The following SH3KBP1 variants were observed in gnomAD, a reference collection of about 807,000 sequenced individuals.
The protein encoded by SH3KBP1 is SH3 domain containing kinase binding protein 1.
SH3KBP1 carries 8 observed loss-of-function variants against 50.1 expected under a neutral mutation model. That is an observed-to-expected ratio of 0.16 (90% CI 0.09 to 0.29). The LOEUF is 0.29. Ranked by LOEUF, SH3KBP1 falls within the 10% of genes least tolerant of loss-of-function variation. The pLI, the probability that SH3KBP1 is intolerant of heterozygous loss-of-function variation, is 1.00. For synonymous variants in SH3KBP1, 227 were observed against 218.6 expected, an observed-to-expected ratio of 1.04 and a Z score of -0.34; for missense variants, 377 against 535.2, an observed-to-expected ratio of 0.70 and a Z score of 2.92.
intron 6 of SH3KBP1, among the ~76,000 whole-genome samples, chrX:19,660,397 C>T (rs970946173): frequency 6.2e-5 from 7 of 112,253 alleles, no homozygotes; most frequent in South Asian, 3.7e-4. Flanking sequence ...TCCATTCCTC[C>T]GCTTGGGGAC....
At chrX:19,589,727 A>G (rs1331905364) in intron 11 of SH3KBP1, among the ~76,000 whole-genome samples, 4 of 110,180 alleles carry the variant, frequency 3.6e-5, no homozygotes, top group Non-Finnish European at 5.7e-5. Flanking sequence ...CAGGCTCCCT[A>G]TGCTTACTTG....
intron 14 of SH3KBP1, among the ~76,000 whole-genome samples, chrX:19,546,922 C>T (rs1395445599): frequency 1.8e-5 from 2 of 111,026 alleles, no homozygotes; most frequent in Non-Finnish European, 3.8e-5. Context: ...GATTATGAGG[C>T]GGGAGGATCT....
chrX:19,541,885 C>A lies in SH3KBP1; in HGVS notation c.1892+40G>T, dbSNP rs755991066. 5.1e-6 allele frequency: 6 copies of A among 1,176,552 alleles called. No individual in the cohort carries two copies. In the African/African-American group the frequency reaches 1.1e-4, roughly 21 times the overall value. On this transcript the variant is annotated intron_variant, in intron 16 of 17. Transcript: ENST00000397821. ...AACTAGGTGCTGGCCTGGCAGAGAGCAACCTGGGTGACGGCCCCCAAGAGT... is the reference window on the plus strand; with the variant it reads ...AACTAGGTGCTGGCCTGGCAGAGAGAAACCTGGGTGACGGCCCCCAAGAGT...
intron 7 of SH3KBP1, among the ~76,000 whole-genome samples, chrX:19,636,570 A>G (rs887036059): frequency 8.9e-6 from 1 of 111,840 alleles, no homozygotes; most frequent in Non-Finnish European, 1.9e-5. Context: ...CAATCTCTAA[A>G]CTTTTAGAAA....
rs72616081 is a variant in SH3KBP1, at chrX:19,594,675, T to C, written c.1057+274A>G. Among the ~76,000 whole-genome samples, 54 of 111,488 alleles carry C rather than the reference T, an allele frequency of 4.8e-4. 1 individual carries two copies. The East Asian group carries it at 0.01, about 21-fold the overall frequency. ...AAAAAACCCAAACTTGTTTTTTTTG[T>C]TTGTTTGTTTGTTTGTTTTAATTCT... On this transcript the variant is annotated intron_variant, in intron 10 of 17. Coordinates refer to ENST00000397821, the MANE Select transcript of SH3KBP1 (RefSeq NM_031892.3).
intron 1 of SH3KBP1, among the ~76,000 whole-genome samples, chrX:19,877,017 G>T (rs2069275641): frequency 9.0e-6 from 1 of 111,060 alleles, no homozygotes; most frequent in African/African-American, 3.3e-5. Flanking sequence ...GCCAAAAGCA[G>T]CAATTAAGCT....
At position 19,752,175 on chromosome X, in the gene SH3KBP1, C is replaced by T. The variant is rs963365004; in HGVS notation, c.163-5734G>A. ...AACACAGTTTAAGGCACAGGCTTCA[C>T]GATGAATGGAGAATGATGCTGTGCA... On this transcript the variant is annotated intron_variant, in intron 2 of 17. Transcript: ENST00000397821. Among the ~76,000 whole-genome samples the T allele has an allele frequency of 7.1e-5, 8 of 112,044 alleles. No homozygotes were observed. The East Asian group carries it at 2.0e-3, about 27-fold the overall frequency.
chrX:19,645,440 A>G lies in SH3KBP1; in HGVS notation c.762T>C (p.Thr254=). The change falls in exon 7 of 18, where the codon ACT becomes ACC. Residue 254 remains threonine, a synonymous_variant. Coordinates refer to ENST00000397821, the MANE Select transcript of SH3KBP1 (RefSeq NM_031892.3). ...CCATTTCTGTTTTTGATGAGTCTGG[A>G]GTTGCTGTAGTTGCAGGTAACTTCT... ...IGKKLPATTA[T]PDSSKTEMDS... The G allele has an allele frequency of 8.3e-7, 1 of 1,204,117 alleles. No homozygotes were observed. The highest frequency in any genetic ancestry group is 1.1e-6 in the Non-Finnish European group (1 of 888,760).
chrX:19,815,553 CA>C (rs1170421687), intron 2 of SH3KBP1, among the ~76,000 whole-genome samples: 1 of 107,114 alleles, frequency 9.3e-6, no homozygotes, highest in African/African-American at 3.4e-5. Flanking sequence ...TAGATTTGCA[CA>C]AATCTACACA....
intron 2 of SH3KBP1, among the ~76,000 whole-genome samples, chrX:19,807,039 A>G (rs2067068793): frequency 8.9e-6 from 1 of 111,947 alleles, no homozygotes; most frequent in Non-Finnish European, 1.9e-5. Context: ...CCCATCTATA[A>G]CATAGGAATA....
intron 2 of SH3KBP1, among the ~76,000 whole-genome samples, chrX:19,834,154 T>A (rs2067993394): frequency 8.9e-6 from 1 of 112,341 alleles, no homozygotes; most frequent in African/African-American, 3.2e-5. Flanking sequence ...TTAAATAGGT[T>A]CCTATTCATT....
At position 19,691,325 on chromosome X, in the gene SH3KBP1, G is replaced by GCTCT. The variant is rs747033807; in HGVS notation, c.520+4283_520+4286dup. Among the ~76,000 whole-genome samples, 35 of 84,375 alleles carry GCTCT rather than the reference G, an allele frequency of 4.1e-4. No individual in the cohort carries two copies. In the East Asian group the frequency reaches 4.3e-3, roughly 10 times the overall value. 73.3% of individuals were successfully genotyped at this position (84,375 alleles called of 115,157 possible). A position where few individuals can be genotyped will look rare whatever the true frequency, so the allele number is the denominator to read the frequency against. ...CACGCATGCGCACTCAATCTCTGTC[G>GCTCT]CTCTCTCTCTCTCTCTCTCTCTCTC... On this transcript the variant is annotated intron_variant, in intron 5 of 17. Coordinates refer to ENST00000397821, the MANE Select transcript of SH3KBP1 (RefSeq NM_031892.3).
intron 6 of SH3KBP1, among the ~76,000 whole-genome samples, chrX:19,657,643 G>C (rs1039838957): frequency 9.3e-6 from 1 of 107,940 alleles, no homozygotes; most frequent in African/African-American, 3.4e-5. Context: ...CAGGAGAATC[G>C]CTTGAACCCG....
chrX:19,735,159 G>A (rs1386826589), intron 3 of SH3KBP1, among the ~76,000 whole-genome samples: 1 of 111,643 alleles, frequency 9.0e-6, no homozygotes, highest in Non-Finnish European at 1.9e-5. Context: ...TGATGTTCGC[G>A]CTTTAACTCC....
intron 3 of SH3KBP1, among the ~76,000 whole-genome samples, chrX:19,732,342 G>A (rs190605253): frequency 3.6e-5 from 4 of 109,942 alleles, no homozygotes; most frequent in East Asian, 2.9e-4. Context: ...CAGTATTCCC[G>A]GCAGATTGGT....
chrX:19,631,587 G>A (rs187457431), intron 8 of SH3KBP1, among the ~76,000 whole-genome samples: 73 of 112,947 alleles, frequency 6.5e-4, no homozygotes, highest in Admixed American at 1.5e-3. Context: ...AGCCGAGCAG[G>A]CTGCCTTTTG....
intron 2 of SH3KBP1, among the ~76,000 whole-genome samples, chrX:19,806,836 G>A (rs1426611208): frequency 1.8e-5 from 2 of 112,134 alleles, no homozygotes; most frequent in Non-Finnish European, 3.8e-5. Flanking sequence ...AACTTAGTAC[G>A]TGAATTTTAC....
intron 6 of SH3KBP1, among the ~76,000 whole-genome samples, chrX:19,652,858 G>C (rs1012843303): frequency 4.0e-4 from 45 of 111,622 alleles, no homozygotes; most frequent in African/African-American, 1.1e-3. Context: ...ACCTCTTATT[G>C]CACCTTCTCA....
At chrX:19,663,503 T>C (rs1163295144) in intron 6 of SH3KBP1, among the ~76,000 whole-genome samples, 1 of 111,478 alleles carries the variant, frequency 9.0e-6, no homozygotes, top group African/African-American at 3.3e-5. Flanking sequence ...AGACCTGCTA[T>C]AGGCTCCGCA....
Sources: gnomAD v4.1 joint callset for allele counts (sites outside exome capture counted in the v4.1 genomes callset) on GRCh38, gnomAD v4.1.1 for gene constraint, MANE v1.5 for transcripts, NCBI Gene and HGNC (gene_info 2026-07-23, HGNC 2026-07-21) for gene names.